Variants in BLK observed in about 807,000 individuals in gnomAD.
BLK encodes BLK proto-oncogene, Src family tyrosine kinase.
Under a neutral mutation model 61.8 loss-of-function variants are expected in BLK, and 64 were observed. That is an observed-to-expected ratio of 1.03 (90% CI 0.85 to 1.27). BLK has a LOEUF of 1.27. Ranked by LOEUF, BLK falls within the 50% of genes most tolerant of loss-of-function variation. The pLI, the probability that BLK is intolerant of heterozygous loss-of-function variation, is 0.00. For synonymous variants in BLK, 351 were observed against 272.0 expected, an observed-to-expected ratio of 1.29 and a Z score of -2.86; for missense variants, 853 against 660.5, an observed-to-expected ratio of 1.29 and a Z score of -3.19.
intron 1 of BLK, among the ~76,000 whole-genome samples, chr8:11,542,506 C>G (rs1800427438): frequency 6.6e-6 from 1 of 152,104 alleles, no homozygotes; most frequent in Non-Finnish European, 1.5e-5. Context: ...TGAGCAAACT[C>G]CTTAACATAT....
chr8:11,522,194 A>G lies in BLK; in HGVS notation c.-1-21030A>G, dbSNP rs150853506. Among the ~76,000 whole-genome samples, 704 of 152,354 alleles carry G rather than the reference A, an allele frequency of 4.6e-3. 19 individuals carry two copies. In the South Asian group the frequency reaches 0.068, roughly 15 times the overall value. The stretch of plus-strand genomic sequence containing the variant: ...TTGGCATTGGAAATGAGCTATAAAA[A>G]AAAACTACATTTTTCTAAATGGTCA... On this transcript the variant is annotated intron_variant, in intron 1 of 12. Transcript: ENST00000259089.
intron 1 of BLK, among the ~76,000 whole-genome samples, chr8:11,536,560 C>T (rs1330936002): frequency 6.6e-6 from 1 of 151,934 alleles, no homozygotes; most frequent in African/African-American, 2.4e-5. Context: ...TTTTTATAGG[C>T]ACGTGCCTGG....
intron 7 of BLK, 112 bp from the exon 8 acceptor site, chr8:11,555,220 C>G (rs1801141222): frequency 1.4e-6 from 2 of 1,401,682 alleles, no homozygotes; most frequent in Non-Finnish European, 2.0e-6. Flanking sequence ...CACACCCATG[C>G]AGGGGGTGGG....
chr8:11,554,953 AT>A, intron 7 of BLK, 64 bp downstream of exon 7: 1 of 1,583,900 alleles, frequency 6.3e-7, no homozygotes, highest in Non-Finnish European at 8.6e-7. Flanking sequence ...TCTCGCTAAG[AT>A]TCCCAATTGT....
intron 1 of BLK, among the ~76,000 whole-genome samples, chr8:11,499,908 T>C (rs1016764208): frequency 1.3e-5 from 2 of 152,200 alleles, no homozygotes; most frequent in Non-Finnish European, 2.9e-5. Flanking sequence ...TTATCTGTTT[T>C]TCTATCCTGT....
At chr8:11,517,845 C>T (rs1204691510) in intron 1 of BLK, among the ~76,000 whole-genome samples, 1 of 152,220 alleles carries the variant, frequency 6.6e-6, no homozygotes, top group East Asian at 1.9e-4. Context: ...ACAGCTTGAA[C>T]CTGAGTCAAG....
At chr8:11,537,280 T>C (rs1402778138) in intron 1 of BLK, among the ~76,000 whole-genome samples, 1 of 152,160 alleles carries the variant, frequency 6.6e-6, no homozygotes, top group Non-Finnish European at 1.5e-5. Context: ...GAATTTGGAA[T>C]TCTGGATGTT....
At chr8:11,501,926 TCTAG>T (rs1352169138) in intron 1 of BLK, among the ~76,000 whole-genome samples, 2 of 152,250 alleles carry the variant, frequency 1.3e-5, no homozygotes, top group Admixed American at 1.3e-4. Flanking sequence ...CTCACAGTGT[TCTAG>T]CTACAGACAA....
intron 5 of BLK, 152 bp downstream of exon 5, chr8:11,549,274 G>T: frequency 2.7e-6 from 2 of 751,884 alleles, no homozygotes; most frequent in Admixed American, 2.0e-5. Flanking sequence ...GCTGGGAAAG[G>T]CCTCTCTGCT....
rs1157918558 is a variant in BLK, at chr8:11,549,147, C to T, written c.368+25C>T. ...GGTAGGTGGGCACGGGAACCCCCCTCGAGCCAAGATGCAGTCACTGTTTCT... is the reference window on the plus strand; with the variant it reads ...GGTAGGTGGGCACGGGAACCCCCCTTGAGCCAAGATGCAGTCACTGTTTCT... On this transcript the variant is annotated intron_variant, in intron 5 of 12. Coordinates refer to ENST00000259089, the MANE Select transcript of BLK (RefSeq NM_001715.3). 6.4e-6 allele frequency: 10 copies of T among 1,563,400 alleles called. No homozygotes were observed. In the East Asian group the frequency reaches 6.9e-5, roughly 11 times the overall value.
At position 11,555,499 on chromosome 8, in the gene BLK, A is replaced by C. The variant is rs993134221; in HGVS notation, c.772+15A>C. ...AGTCTGGATGGGTGAGTGTGTGCAC[A>C]CGTGGGAGCATTTCTCCCCCCATTC... On this transcript the variant is annotated intron_variant, in intron 8 of 12. Coordinates refer to ENST00000259089, the MANE Select transcript of BLK (RefSeq NM_001715.3). 6.2e-7 allele frequency: 1 copy of C among 1,613,874 alleles called. No individual in the cohort carries two copies. Among genetic ancestry groups the C allele is most frequent in the African/African-American group, 1.3e-5 (1 of 74,874 alleles).
intron 1 of BLK, among the ~76,000 whole-genome samples, chr8:11,526,345 C>T (rs138161909): frequency 5.9e-5 from 9 of 152,330 alleles, no homozygotes; most frequent in South Asian, 2.1e-4. Context: ...CTGAAGTTAA[C>T]ACCTGCTCAC....
chr8:11,504,385 A>G lies in BLK; in HGVS notation c.-2+9794A>G, dbSNP rs11774147. Among the ~76,000 whole-genome samples the G allele has an allele frequency of 2.2e-3, 188 of 84,458 alleles. 5 individuals carry two copies. In the East Asian group the frequency reaches 0.069, roughly 31 times the overall value. The allele number at this position is 84,458 out of a possible 152,430, so 55.4% of individuals were successfully genotyped here. On this transcript the variant is annotated intron_variant, in intron 1 of 12. Transcript: ENST00000259089. Reference sequence around the variant, plus strand: ...GAAGGAAGAAAGAAAAGAAAAGAAAAGAAAAGAAAAGAAAAGAAAAGAAAA... The same window carrying G: ...GAAGGAAGAAAGAAAAGAAAAGAAAGGAAAAGAAAAGAAAAGAAAAGAAAA...
Position 11,549,968 on chromosome 8 carries a change from G to A in BLK, c.369-191G>A, listed in dbSNP as rs536804346. 9.2e-6 allele frequency: 6 copies of A among 652,126 alleles called. No individual in the cohort carries two copies. The East Asian group carries it at 1.7e-4, about 18-fold the overall frequency. The allele number at this position is 652,126 out of a possible 1,614,324, so 40.4% of individuals were successfully genotyped here. On this transcript the variant is annotated intron_variant, in intron 5 of 12. Coordinates refer to ENST00000259089, the MANE Select transcript of BLK (RefSeq NM_001715.3). ...GTGAGTCCAGGGCTGACAGGAAGCG[G>A]AACTGGAAGGGCAGCGGGGCAGAGG...
At chr8:11,558,641 C>T (rs966131008) in intron 10 of BLK, 1 of 456,074 alleles carries the variant, frequency 2.2e-6, no homozygotes, top group Non-Finnish European at 4.4e-6. Flanking sequence ...CCTCAGTGTC[C>T]CTCACGTTCA....
Position 11,564,126 on chromosome 8 carries a change from C to A in BLK, c.*18C>A. On this transcript the variant is annotated 3_prime_UTR_variant, in exon 13 of 13. Transcript: ENST00000259089. ...AGCCCTAGCCGGCCGCGCCCGCCTG[C>A]GCCCCGTGCCCACCTCTGCGCGGAC... 1 of 1,543,654 alleles carries A rather than the reference C, an allele frequency of 6.5e-7. No individual in the cohort carries two copies. Among genetic ancestry groups the A allele is most frequent in the Non-Finnish European group, 8.7e-7 (1 of 1,149,814 alleles).
chr8:11,515,111 C>G (rs920345035), intron 1 of BLK, among the ~76,000 whole-genome samples: 2 of 152,200 alleles, frequency 1.3e-5, no homozygotes, highest in African/African-American at 2.4e-5. Flanking sequence ...GCACCAAGAA[C>G]TTTCAGGGTT....
In BLK at chr8:11,553,127, CCAAAG is replaced by C. The variant is rs1253750396; in HGVS notation, c.473-1612_473-1608del. 3.6e-5 allele frequency: 7 copies of C among 195,316 alleles called. No homozygotes were observed. The South Asian group carries it at 4.8e-4, about 13-fold the overall frequency. The allele number at this position is 195,316 out of a possible 1,614,324, so 12.1% of individuals were successfully genotyped here. A position where few individuals can be genotyped will look rare whatever the true frequency, so the allele number is the denominator to read the frequency against. ...TACATATGCACACACACACACAACTCCAAAGCAAGACCCCTCTGCTTCTCCGAGCC... is the reference window on the plus strand; with the variant it reads ...TACATATGCACACACACACACAACTCCAAGACCCCTCTGCTTCTCCGAGCC... On this transcript the variant is annotated intron_variant, in intron 6 of 12. Coordinates refer to ENST00000259089, the MANE Select transcript of BLK (RefSeq NM_001715.3).
rs1396444243 is a variant in BLK at position 11,494,483 on chromosome 8, T to C, written c.-110T>C. 6.6e-6 allele frequency: 1 copy of C among 152,378 alleles called. No homozygotes were observed. Among genetic ancestry groups the C allele is most frequent in the African/African-American group, 2.4e-5 (1 of 41,584 alleles). 9.4% of individuals were successfully genotyped at this position (152,378 alleles called of 1,614,324 possible). ...GAAGAATTCATCTGGGACTGGCTTT[T>C]GCTTTAGGATGGTGTTGGAAGTTGC... On this transcript the variant is annotated 5_prime_UTR_variant, in exon 1 of 13. Coordinates refer to ENST00000259089, the MANE Select transcript of BLK (RefSeq NM_001715.3).
Sources: gnomAD v4.1 joint callset for allele counts (sites outside exome capture counted in the v4.1 genomes callset) on GRCh38, gnomAD v4.1.1 for gene constraint, MANE v1.5 for transcripts, NCBI Gene and HGNC (gene_info 2026-07-23, HGNC 2026-07-21) for gene names.